Variants in SLC24A3 observed in about 807,000 individuals in gnomAD.
SLC24A3 encodes the protein solute carrier family 24 member 3.
Under a neutral mutation model 75.8 loss-of-function variants are expected in SLC24A3, and 28 were observed. That is an observed-to-expected ratio of 0.37 (90% CI 0.27 to 0.51). SLC24A3 has a LOEUF of 0.51. Ranked by LOEUF, SLC24A3 falls within the 20% of genes least tolerant of loss-of-function variation. The pLI is 0.94. For synonymous variants in SLC24A3, 372 were observed against 334.1 expected, an observed-to-expected ratio of 1.11 and a Z score of -1.24; for missense variants, 663 against 847.8, an observed-to-expected ratio of 0.78 and a Z score of 2.71.
chr20:19,338,002 G>A (rs2122303078), intron 2 of SLC24A3, among the ~76,000 whole-genome samples: 1 of 152,308 alleles, frequency 6.6e-6, no homozygotes, highest in Middle Eastern at 3.4e-3. Context: ...AGGGGATAGA[G>A]GCACCACAGG....
At chr20:19,677,933 A>G (rs1172785285) in intron 9 of SLC24A3, among the ~76,000 whole-genome samples, 1 of 151,292 alleles carries the variant, frequency 6.6e-6, no homozygotes, top group Non-Finnish European at 1.5e-5. Context: ...GCCTTCAAGC[A>G]TCTGTTTAAC....
At chr20:19,234,762 A>G (rs1783122520) in intron 1 of SLC24A3, among the ~76,000 whole-genome samples, 1 of 152,224 alleles carries the variant, frequency 6.6e-6, no homozygotes, top group South Asian at 2.1e-4. Flanking sequence ...GGGTCTGGGA[A>G]GAGGAACAGC....
intron 2 of SLC24A3, among the ~76,000 whole-genome samples, chr20:19,423,089 C>A (rs964437861): frequency 6.6e-6 from 1 of 152,228 alleles, no homozygotes; most frequent in Admixed American, 6.5e-5. Context: ...GGGCACCTGG[C>A]ATGCTCAGGG....
chr20:19,455,892 A>G lies in SLC24A3; in HGVS notation c.272-59596A>G, dbSNP rs574787246. Among the ~76,000 whole-genome samples, 5 of 152,360 alleles carry G rather than the reference A, an allele frequency of 3.3e-5. No homozygotes were observed. In the South Asian group the frequency reaches 6.2e-4, roughly 19 times the overall value. On this transcript the variant is annotated intron_variant, in intron 2 of 16. Transcript: ENST00000328041. ...AAAATTATAAGTGTCAGTATAATAT[A>G]TAATTGGTTCCTTAAGTAACGTTTA... is the stretch of plus-strand genomic sequence containing the variant.
In SLC24A3 at chr20:19,611,920, TC is replaced by T. The variant is rs543955457; in HGVS notation, c.612+26380del. Among the ~76,000 whole-genome samples, 3 of 152,272 alleles carry T rather than the reference TC, an allele frequency of 2.0e-5. No individual in the cohort carries two copies. In the South Asian group the frequency reaches 6.2e-4, roughly 32 times the overall value. ...TCGTTGCTTCCCGCAGCCTCCAGGC[TC>T]CCCGTTGCCCTGGCCATCCTCTTAC... On this transcript the variant is annotated intron_variant, in intron 6 of 16. Transcript: ENST00000328041.
At chr20:19,346,049 A>C (rs1985389383) in intron 2 of SLC24A3, among the ~76,000 whole-genome samples, 1 of 113,472 alleles carries the variant, frequency 8.8e-6, no homozygotes, top group East Asian at 2.6e-4. Flanking sequence ...CCATCAATCA[A>C]TGAATAAAGA....
intron 2 of SLC24A3, among the ~76,000 whole-genome samples, chr20:19,440,744 G>C (rs6136731): frequency 0.043 from 6,498 of 151,002 alleles, 467 homozygotes; most frequent in East Asian, 0.33. Flanking sequence ...CTCCAAGGAA[G>C]TGTGTCAGCA....
intron 2 of SLC24A3, among the ~76,000 whole-genome samples, chr20:19,320,199 C>T (rs185763256): frequency 1.3e-5 from 2 of 152,150 alleles, no homozygotes; most frequent in Non-Finnish European, 2.9e-5. Context: ...TTCTGTCGGG[C>T]GCCGACGGTC....
At chr20:19,216,518 AGGATTGT>A (rs1981559499) in intron 1 of SLC24A3, among the ~76,000 whole-genome samples, 1 of 152,124 alleles carries the variant, frequency 6.6e-6, no homozygotes, top group African/African-American at 2.4e-5. Context: ...CTCAGGCAGC[AGGATTGT>A]TTGAGCCCAG....
At chr20:19,688,515 G>A (rs531788872) in intron 12 of SLC24A3, among the ~76,000 whole-genome samples, 7 of 152,344 alleles carry the variant, frequency 4.6e-5, no homozygotes, top group East Asian at 3.9e-4. Flanking sequence ...CTGCTTATGG[G>A]TGAGAAGCCT....
chr20:19,237,252 C>G (rs548760644), intron 1 of SLC24A3, among the ~76,000 whole-genome samples: 1 of 152,260 alleles, frequency 6.6e-6, no homozygotes, highest in East Asian at 1.9e-4. Context: ...GCACCTGGTG[C>G]TCCTGGGCCT....
Position 19,543,893 on chromosome 20 carries a change from C to T in SLC24A3, c.348+28329C>T, listed in dbSNP as rs540983671. Among the ~76,000 whole-genome samples, 3 of 152,268 alleles carry T rather than the reference C, an allele frequency of 2.0e-5. No homozygotes were observed. In the East Asian group the frequency reaches 5.8e-4, roughly 29 times the overall value. Reference sequence around the variant, plus strand: ...ATCTTAACAGACATTCCATAATGTACACCCTGAAATGAGTGCTGCCTCCTT... The same window carrying T: ...ATCTTAACAGACATTCCATAATGTATACCCTGAAATGAGTGCTGCCTCCTT... On this transcript the variant is annotated intron_variant, in intron 3 of 16. Coordinates refer to ENST00000328041, the MANE Select transcript of SLC24A3 (RefSeq NM_020689.4).
intron 1 of SLC24A3, among the ~76,000 whole-genome samples, chr20:19,277,843 T>C (rs932793106): frequency 2.6e-5 from 4 of 152,266 alleles, no homozygotes; most frequent in Non-Finnish European, 5.9e-5. Context: ...GAAGGAACTT[T>C]GGAAGTCATT....
intron 1 of SLC24A3, among the ~76,000 whole-genome samples, chr20:19,259,499 A>C (rs2122192366): frequency 6.6e-6 from 1 of 152,348 alleles, no homozygotes. Flanking sequence ...GCTGAGTGGC[A>C]GCGACACCTG....
intron 1 of SLC24A3, among the ~76,000 whole-genome samples, chr20:19,246,151 A>G (rs1982478428): frequency 6.6e-6 from 1 of 152,292 alleles, no homozygotes; most frequent in African/African-American, 2.4e-5. Context: ...TTGACTACAG[A>G]GAGACATATA....
At chr20:19,708,720 T>C (rs575585640) in intron 15 of SLC24A3, among the ~76,000 whole-genome samples, 56 of 152,344 alleles carry the variant, frequency 3.7e-4, no homozygotes, top group African/African-American at 1.3e-3. Flanking sequence ...ATAGGTAACT[T>C]GGGGATAATG....
intron 3 of SLC24A3, among the ~76,000 whole-genome samples, chr20:19,541,090 T>C (rs949671284): frequency 2.0e-5 from 3 of 152,254 alleles, no homozygotes; most frequent in Non-Finnish European, 2.9e-5. Flanking sequence ...GTTCTTCTGA[T>C]TTAAAAGCAG....
At chr20:19,235,147 G>T (rs1313093265) in intron 1 of SLC24A3, among the ~76,000 whole-genome samples, 1 of 152,250 alleles carries the variant, frequency 6.6e-6, no homozygotes, top group Non-Finnish European at 1.5e-5. Context: ...GTGGCACAAG[G>T]CATGCCCTGC....
Position 19,325,757 on chromosome 20 carries a change from CATACATACATATATAT to C in SLC24A3, c.271+44678_271+44693del, listed in dbSNP as rs1204214406. On this transcript the variant is annotated intron_variant, in intron 2 of 16. Transcript: ENST00000328041. Reference sequence around the variant, plus strand: ...ATGTGTGTGTGTGTGTGTGTGTATACATACATACATATATATATACATATATATATATATATATAGA... The same window carrying C: ...ATGTGTGTGTGTGTGTGTGTGTATACATACATATATATATATATATATAGA... Among the ~76,000 whole-genome samples the C allele has an allele frequency of 9.0e-3, 358 of 39,594 alleles. 8 individuals carry two copies. Among genetic ancestry groups the C allele is most frequent in the African/African-American group, 0.054 (337 of 6,222 alleles). The allele number at this position is 39,594 out of a possible 152,430, so 26.0% of individuals were successfully genotyped here.
Sources: gnomAD v4.1 joint callset for allele counts (sites outside exome capture counted in the v4.1 genomes callset) on GRCh38, gnomAD v4.1.1 for gene constraint, MANE v1.5 for transcripts, NCBI Gene and HGNC (gene_info 2026-07-23, HGNC 2026-07-21) for gene names.